Variants in ZNF469 observed in about 807,000 individuals in gnomAD.
ZNF469 encodes the protein zinc finger protein 469.
In ZNF469, 1 loss-of-function variant was observed where a neutral mutation model predicts 1.0. That is an observed-to-expected ratio of 1.00 (90% CI 0.35 to 4.73). The LOEUF is 4.73. Among genes scored for constraint, ZNF469 ranks in the 30% most tolerant of loss-of-function variants. The probability of loss-of-function intolerance (pLI) is 0.16; values close to 1 mark genes in which losing one functional copy is unlikely to be tolerated. For missense variants in ZNF469, 6,100 were observed against 5,356.3 expected (o/e 1.14, Z -4.33); for synonymous variants, 2,703 against 2,363.4 (o/e 1.14, Z -4.17).
the ZNF469 span, among the ~76,000 whole-genome samples, chr16:88,113,946 G>A: frequency 6.6e-6 from 1 of 152,182 alleles, no homozygotes; most frequent in African/African-American, 2.4e-5. Flanking sequence ...TCCTGCCAGG[G>A]CCGCACTGGG....
At chr16:88,254,455 T>G in the ZNF469 span, among the ~76,000 whole-genome samples, 1 of 152,158 alleles carries the variant, frequency 6.6e-6, no homozygotes. Flanking sequence ...ATTGTGTTGT[T>G]CTCTTTAGAG....
At chr16:88,378,480 A>C (rs1599338731), upstream of ZNF469, among the ~76,000 whole-genome samples, 1 of 151,972 alleles carries the variant, frequency 6.6e-6, no homozygotes, top group Non-Finnish European at 1.5e-5. Flanking sequence ...GCCCCTGCTC[A>C]CCTCCTGCTG....
At chr16:88,154,114 C>T in the ZNF469 span, among the ~76,000 whole-genome samples, 1 of 152,330 alleles carries the variant, frequency 6.6e-6, no homozygotes, top group East Asian at 1.9e-4. Context: ...GGCACCTTGC[C>T]AAGCCTTCAT....
chr16:88,149,572 C>T, the ZNF469 span, among the ~76,000 whole-genome samples: 8 of 152,154 alleles, frequency 5.3e-5, no homozygotes, highest in Admixed American at 1.3e-4. Context: ...AAGCAGTGGG[C>T]GAGTCTTGCA....
chr16:88,394,153 C>T (rs774449500), intron 1 of ZNF469, among the ~76,000 whole-genome samples: 1 of 148,034 alleles, frequency 6.8e-6, no homozygotes, highest in Non-Finnish European at 1.5e-5. Context: ...CTGCGCTGTC[C>T]GAGAGGGATG....
intron 1 of ZNF469, among the ~76,000 whole-genome samples, chr16:88,385,313 C>G (rs1381750506): frequency 2.0e-5 from 3 of 152,038 alleles, no homozygotes; most frequent in Admixed American, 6.5e-5. Flanking sequence ...AGACAAGCCC[C>G]CTACCCTCCC....
the ZNF469 span, among the ~76,000 whole-genome samples, chr16:88,218,247 G>A: frequency 2.0e-5 from 3 of 149,372 alleles, no homozygotes; most frequent in East Asian, 6.0e-4. Context: ...CTTCTTTTGA[G>A]AAGTGTCTGT....
chr16:88,179,868 T>C, the ZNF469 span, among the ~76,000 whole-genome samples: 28 of 152,200 alleles, frequency 1.8e-4, no homozygotes, highest in Non-Finnish European at 4.4e-5. Flanking sequence ...GTACCAAGTA[T>C]GGGAGGGAGG....
chr16:88,221,213 G>T, the ZNF469 span, among the ~76,000 whole-genome samples: 1 of 152,248 alleles, frequency 6.6e-6, no homozygotes, highest in African/African-American at 2.4e-5. Flanking sequence ...GGTAAGGACA[G>T]ACCCGGGCTG....
intron 1 of ZNF469, among the ~76,000 whole-genome samples, chr16:88,413,119 A>G (rs920520921): frequency 6.6e-6 from 1 of 152,196 alleles, no homozygotes; most frequent in Non-Finnish European, 1.5e-5. Flanking sequence ...TGCCTTATCC[A>G]AGGCACGGGG....
chr16:88,127,989 G>A, the ZNF469 span, among the ~76,000 whole-genome samples: 4 of 152,318 alleles, frequency 2.6e-5, no homozygotes, highest in East Asian at 5.8e-4. Context: ...CTGTGCCGGC[G>A]GCCACAGCAG....
chr16:88,402,090 G>T (rs1369989861), intron 1 of ZNF469, among the ~76,000 whole-genome samples: 1 of 151,736 alleles, frequency 6.6e-6, no homozygotes, highest in Non-Finnish European at 1.5e-5. Flanking sequence ...TAGATGGATG[G>T]GTGGGTGGAT....
chr16:88,206,859 C>T, the ZNF469 span, among the ~76,000 whole-genome samples: 14 of 1,154 alleles, frequency 0.012, 6 homozygotes, highest in African/African-American at 0.05. Context: ...GAGGGGAGGC[C>T]GCGGGGACGG....
chr16:88,295,940 G>A, the ZNF469 span, among the ~76,000 whole-genome samples: 3 of 152,216 alleles, frequency 2.0e-5, no homozygotes, highest in African/African-American at 7.2e-5. Context: ...CTGCCCCTGT[G>A]AGATGTTTGA....
chr16:88,331,732 C>G, the ZNF469 span, among the ~76,000 whole-genome samples: 1 of 150,356 alleles, frequency 6.7e-6, no homozygotes, highest in African/African-American at 2.5e-5. Flanking sequence ...CCATCACCAT[C>G]ACCACTATCA....
At chr16:88,391,414 T>C (rs1904488459) in intron 1 of ZNF469, among the ~76,000 whole-genome samples, 1 of 152,274 alleles carries the variant, frequency 6.6e-6, no homozygotes, top group African/African-American at 2.4e-5. Flanking sequence ...GGCTCAAGTC[T>C]GATCCTGGGC....
At chr16:88,238,400 C>T in the ZNF469 span, among the ~76,000 whole-genome samples, 86 of 152,274 alleles carry the variant, frequency 5.6e-4, no homozygotes, top group Non-Finnish European at 9.6e-4. Context: ...CAAAGTGGGA[C>T]GCAGAGACCC....
the ZNF469 span, among the ~76,000 whole-genome samples, chr16:88,317,982 T>C: frequency 1.2e-4 from 18 of 152,342 alleles, no homozygotes; most frequent in African/African-American, 4.3e-4. Flanking sequence ...GCATGGCCTT[T>C]CCTCCTGCTT....
chr16:88,372,070 ACCATCACCACCATCATC>A, the ZNF469 span, among the ~76,000 whole-genome samples: 1 of 8,774 alleles, frequency 1.1e-4, no homozygotes, highest in Non-Finnish European at 2.5e-4. Flanking sequence ...CACCATCATC[ACCATCACCACCATCATC>A]ACCATCACCA....
Sources: gnomAD v4.1 joint callset for allele counts (sites outside exome capture counted in the v4.1 genomes callset) on GRCh38, gnomAD v4.1.1 for gene constraint, MANE v1.5 for transcripts, NCBI Gene and HGNC (gene_info 2026-07-23, HGNC 2026-07-21) for gene names.